The following SRPRA variants were observed in gnomAD, a reference collection of about 807,000 sequenced individuals.
SRPRA encodes the protein SRP receptor subunit alpha, also known as signal recognition particle receptor subunit alpha.
SRPRA carries 30 observed loss-of-function variants against 61.1 expected under a neutral mutation model. The observed-to-expected ratio is 0.49, with a 90% CI of 0.37 to 0.67. The LOEUF (loss-of-function observed/expected upper bound fraction) is 0.67, where lower values mean the gene tolerates loss of function less well. SRPRA is among the 30% of genes least tolerant of loss of function. The probability of loss-of-function intolerance (pLI) is 0.00; values close to 1 mark genes in which losing one functional copy is unlikely to be tolerated. For synonymous variants in SRPRA, 324 were observed against 299.7 expected, an observed-to-expected ratio of 1.08 and a Z score of -0.84; for missense variants, 759 against 828.4, an observed-to-expected ratio of 0.92 and a Z score of 1.03.
chr11:126,239,611 A>G, the SRPRA span, among the ~76,000 whole-genome samples: 2 of 152,044 alleles, frequency 1.3e-5, no homozygotes, highest in East Asian at 1.9e-4. Flanking sequence ...TGGTACATAC[A>G]GGTTTTCCTT....
chr11:126,255,926 A>G, the SRPRA span, among the ~76,000 whole-genome samples: 1 of 152,188 alleles, frequency 6.6e-6, no homozygotes. The surrounding 1 kb of genome is among the most constrained non-coding windows in gnomAD (Gnocchi z 4.6). Context: ...ACTGCACTCC[A>G]GCCTAGGTGG....
the SRPRA span, among the ~76,000 whole-genome samples, chr11:126,256,272 T>C: frequency 6.6e-6 from 1 of 152,148 alleles, no homozygotes; most frequent in South Asian, 2.1e-4. This position sits in a 1 kb window ranked among gnomAD's most constrained non-coding sequence, Gnocchi z 6.6. Flanking sequence ...TCTCAAAAAA[T>C]ATATAAAGCA....
At position 126,267,342 on chromosome 11, in the gene SRPRA, A is replaced by G. The variant is rs752798225; in HGVS notation, c.366-7T>C. The G allele has an allele frequency of 1.5e-5, 24 of 1,612,954 alleles. No individual in the cohort carries two copies. In the South Asian group the frequency reaches 2.2e-4, roughly 15 times the overall value. The stretch of plus-strand genomic sequence containing the variant: ...ACTGCTCTCCTCTGCTTCACTAAAC[A>G]AAAAGGAGAATGGTTTATCTTTCTA... On this transcript the variant is annotated splice_polypyrimidine_tract_variant and splice_region_variant and intron_variant, in intron 3 of 13. Transcript: ENST00000332118. The surrounding 1 kb of genome is among the most constrained non-coding windows in gnomAD (Gnocchi z 4.2).
downstream of SRPRA, chr11:126,260,329 G>A (rs1950662588): frequency 6.6e-6 from 1 of 151,822 alleles, no homozygotes; most frequent in Non-Finnish European, 1.5e-5. Flanking sequence ...CACAGCACCT[G>A]GCCTTGGCAC....
At chr11:126,260,080 G>GC (rs1314540467), downstream of SRPRA, among the ~76,000 whole-genome samples, 6 of 151,696 alleles carry the variant, frequency 4.0e-5, no homozygotes, top group Non-Finnish European at 5.9e-5. Context: ...CACCCAGGCT[G>GC]CAGTACAATG....
chr11:126,236,176 G>A, the SRPRA span, among the ~76,000 whole-genome samples: 6 of 152,074 alleles, frequency 3.9e-5, no homozygotes, highest in African/African-American at 9.7e-5. Context: ...CTCCTGTATC[G>A]ATTCTCTGTT....
At position 126,263,919 on chromosome 11, in the gene SRPRA, A is replaced by G. The variant is rs987582658; in HGVS notation, c.1914T>C (p.Ala638=). ...TTGGTATTGGGCAAGAGCCACGTTA[A>G]GCCTTCATGAGGGCAGCCACCACAG... ...AKAVVAALMK[A] The change falls in exon 14 of 14, where the codon GCT becomes GCC. Residue 638 remains alanine (A), a synonymous_variant. Transcript: ENST00000332118. The G allele has an allele frequency of 1.9e-6, 3 of 1,613,904 alleles. No homozygotes were observed. The highest frequency in any genetic ancestry group is 2.5e-6 in the Non-Finnish European group (3 of 1,179,996).
At chr11:126,239,181 C>T in the SRPRA span, among the ~76,000 whole-genome samples, 1 of 151,856 alleles carries the variant, frequency 6.6e-6, no homozygotes, top group Non-Finnish European at 1.5e-5. Context: ...CACTAAGTTG[C>T]CTAGGCTTGT....
At chr11:126,266,995 C>T (rs1950822425) in intron 4 of SRPRA, 73 bp from the exon 5 acceptor site, 1 of 1,555,754 alleles carries the variant, frequency 6.4e-7, no homozygotes, top group Non-Finnish European at 8.7e-7. Context: ...AAAAGTCTTC[C>T]AAATTGTTCA....
At chr11:126,260,239 C>T (rs969417160), downstream of SRPRA, among the ~76,000 whole-genome samples, 3 of 151,668 alleles carry the variant, frequency 2.0e-5, no homozygotes, top group African/African-American at 4.8e-5. Context: ...CGCCATGTTG[C>T]CCAGGCTGTT....
the SRPRA span, chr11:126,256,636 A>G: frequency 6.2e-7 from 1 of 1,614,030 alleles, no homozygotes; most frequent in Non-Finnish European, 8.5e-7. This position sits in a 1 kb window ranked among gnomAD's most constrained non-coding sequence, Gnocchi z 6.6. Context: ...TGTGGATGAC[A>G]CCACTTTCCA....
chr11:126,254,220 C>T, the SRPRA span: 2 of 1,497,978 alleles, frequency 1.3e-6, no homozygotes, highest in Admixed American at 2.1e-5. Context: ...GAAGTCTAGT[C>T]CTCAAAACAG....
downstream of SRPRA, chr11:126,261,495 T>C: frequency 1.9e-6 from 3 of 1,607,534 alleles, no homozygotes; most frequent in South Asian, 1.1e-5. Context: ...GTATACTGTT[T>C]CCTATTCTAC....
At chr11:126,262,150 A>C, downstream of SRPRA, 1 of 1,613,944 alleles carries the variant, frequency 6.2e-7, no homozygotes, top group Non-Finnish European at 8.5e-7. Context: ...TAGAGAAATC[A>C]CCACCGTTTA....
the SRPRA span, among the ~76,000 whole-genome samples, chr11:126,240,119 C>T: frequency 1.3e-5 from 2 of 152,170 alleles, no homozygotes; most frequent in East Asian, 1.9e-4. Flanking sequence ...CATGCTGTCT[C>T]ACATATGGGC....
the SRPRA span, among the ~76,000 whole-genome samples, chr11:126,237,554 A>G: frequency 3.2e-4 from 45 of 141,396 alleles, 2 homozygotes; most frequent in South Asian, 0.011. Context: ...AAAAAAATCT[A>G]GGCCAGGCTC....
chr11:126,264,816 CATGGCAAGTAACTG>C lies in SRPRA; in HGVS notation c.1525+129_1525+142del. 1 of 861,872 alleles carries C rather than the reference CATGGCAAGTAACTG, an allele frequency of 1.2e-6. No individual in the cohort carries two copies. Among genetic ancestry groups the C allele is most frequent in the East Asian group, 2.7e-5 (1 of 37,616 alleles). 53.4% of individuals were successfully genotyped at this position (861,872 alleles called of 1,614,324 possible). On this transcript the variant is annotated intron_variant, in intron 11 of 13. Coordinates refer to ENST00000332118, the MANE Select transcript of SRPRA (RefSeq NM_003139.4). This position sits in a 1 kb window ranked among gnomAD's most constrained non-coding sequence, Gnocchi z 5.0. ...CTACATCTGTTATCCAAAAGCAGAG[CATGGCAAGTAACTG>C]ATCTGACTTTTTACTGTAATTGACC...
At chr11:126,260,096 G>C (rs895979341), downstream of SRPRA, among the ~76,000 whole-genome samples, 2 of 151,676 alleles carry the variant, frequency 1.3e-5, no homozygotes, top group African/African-American at 4.8e-5. Flanking sequence ...CAATGGCACA[G>C]TCATGGCTCA....
downstream of SRPRA, among the ~76,000 whole-genome samples, chr11:126,259,955 C>T (rs963305035): frequency 2.0e-5 from 3 of 151,870 alleles, no homozygotes; most frequent in Admixed American, 6.6e-5. Context: ...CTCCTGACCT[C>T]GTGATCCACC....
Sources: gnomAD v4.1 joint callset for allele counts (sites outside exome capture counted in the v4.1 genomes callset) on GRCh38, gnomAD v4.1.1 for gene constraint, Gnocchi (gnomAD v3.1) non-coding constraint, MANE v1.5 for transcripts, NCBI Gene and HGNC (gene_info 2026-07-23, HGNC 2026-07-21) for gene names.